Variants in CYP19A1 observed in about 807,000 individuals in gnomAD.
CYP19A1 encodes aromatase.
Under a neutral mutation model 44.4 loss-of-function variants are expected in CYP19A1, and 32 were observed. The ratio of observed to expected loss-of-function variants is 0.72; its 90% CI spans 0.54 to 0.97. CYP19A1 has a LOEUF of 0.97. Among genes scored for constraint, CYP19A1 ranks in the 50% least tolerant of loss-of-function variants. CYP19A1 has a pLI of 0.00. For synonymous variants in CYP19A1, 212 were observed against 215.6 expected (o/e 0.98, Z 0.14); for missense variants, 598 against 637.8 (o/e 0.94, Z 0.67).
At chr15:51,243,126 G>T (rs1318015508) in intron 1 of CYP19A1, 176 bp from the exon 2 acceptor site, 5 of 568,666 alleles carry the variant, frequency 8.8e-6, no homozygotes, top group South Asian at 5.7e-5. Context: ...GCCCAAGAAA[G>T]ATCTTTTGGC....
chr15:51,256,306 T>C (rs1207231880), intron 1 of CYP19A1, among the ~76,000 whole-genome samples: 1 of 152,224 alleles, frequency 6.6e-6, no homozygotes, highest in African/African-American at 2.4e-5. Flanking sequence ...ACAAGATTCC[T>C]TTTACAAAGA....
At chr15:51,211,446 G>A (rs146941753) in intron 9 of CYP19A1, among the ~76,000 whole-genome samples, 1 of 152,216 alleles carries the variant, frequency 6.6e-6, no homozygotes, top group Non-Finnish European at 1.5e-5. Flanking sequence ...AGGCAAGCAA[G>A]GATGTAGATT....
At chr15:51,259,542 G>A (rs2034638013) in intron 1 of CYP19A1, among the ~76,000 whole-genome samples, 1 of 152,150 alleles carries the variant, frequency 6.6e-6, no homozygotes, top group Non-Finnish European at 1.5e-5. Flanking sequence ...TGGATGAGGT[G>A]GCTAAGGAAG....
chr15:51,222,313 C>CAGAT, intron 5 of CYP19A1, 36 bp downstream of exon 5: 2 of 1,614,062 alleles, frequency 1.2e-6, no homozygotes, highest in Non-Finnish European at 1.7e-6. Context: ...CAGTAAAGGA[C>CAGAT]AGATGGTCAA....
chr15:51,317,189 C>T (rs139047911), intron 1 of CYP19A1, among the ~76,000 whole-genome samples: 7,044 of 151,916 alleles, frequency 0.046, 550 homozygotes, highest in African/African-American at 0.16. Flanking sequence ...GCAAGCTCTG[C>T]CTCCCAGGTT....
chr15:51,319,851 A>G (rs540829037), intron 1 of CYP19A1, among the ~76,000 whole-genome samples: 1 of 152,298 alleles, frequency 6.6e-6, no homozygotes, highest in South Asian at 2.1e-4. Flanking sequence ...GATCTCTATC[A>G]GGTCATTTGT....
intron 1 of CYP19A1, among the ~76,000 whole-genome samples, chr15:51,334,272 C>T (rs1199985699): frequency 1.3e-5 from 2 of 152,184 alleles, no homozygotes; most frequent in African/African-American, 2.4e-5. Context: ...CATGGGTGAA[C>T]GTTGATGAGG....
In CYP19A1 at chr15:51,315,149, T is replaced by C. The variant is rs527996817; in HGVS notation, c.-39+23346A>G. Among the ~76,000 whole-genome samples, 75 of 152,270 alleles carry C rather than the reference T, an allele frequency of 4.9e-4. No individual in the cohort carries two copies. In the South Asian group the frequency reaches 0.015, roughly 31 times the overall value. On this transcript the variant is annotated intron_variant, in intron 1 of 9. Coordinates refer to ENST00000396402, the MANE Select transcript of CYP19A1 (RefSeq NM_000103.4). ...CTCTCCAACAGGCCTTTCAAAGTCCTTCACTTACGGGCCCCTGCCTACCTT... is the reference window on the plus strand; with the variant it reads ...CTCTCCAACAGGCCTTTCAAAGTCCCTCACTTACGGGCCCCTGCCTACCTT...
In CYP19A1 at chr15:51,208,838, C is replaced by T. The variant is rs911889251; in HGVS notation, c.*1970G>A. 6.8e-6 allele frequency: 1 copy of T among 147,712 alleles called. No individual in the cohort carries two copies. The highest frequency in any genetic ancestry group is 7.1e-5 in the Admixed American group (1 of 14,146). The allele number at this position is 147,712 out of a possible 1,614,324, so 9.2% of individuals were successfully genotyped here. On this transcript the variant is annotated 3_prime_UTR_variant, in exon 10 of 10. Transcript: ENST00000396402. ...GATATCTATGTACAGCTATATCAAA[C>T]ATGCATTTCACTTTGACTGTGTAGA...
chr15:51,301,318 T>A (rs1486530948), intron 1 of CYP19A1, among the ~76,000 whole-genome samples: 1 of 152,236 alleles, frequency 6.6e-6, no homozygotes, highest in Non-Finnish European at 1.5e-5. Flanking sequence ...AAGGCAGACA[T>A]TGAGCATAAA....
rs770885853 is a variant in CYP19A1, at chr15:51,210,836, C to G, written c.1484G>C (p.Arg495Thr). Residue 495 changes from arginine (R) to threonine (T), a missense_variant, in exon 10 of 10, where the codon AGA becomes ACA. Coordinates refer to ENST00000396402, the MANE Select transcript of CYP19A1 (RefSeq NM_000103.4). ...GTGTTCCAGACACCTGTCTGAGTTT[C>G]TTGGGGTAAAGATCATTTCCAGCAT... ...KNMLEMIFTP[R>T]NSDRCLEH 1 of 1,598,840 alleles carries G rather than the reference C, an allele frequency of 6.3e-7. No individual in the cohort carries two copies. Among genetic ancestry groups the G allele is most frequent in the South Asian group, 1.1e-5 (1 of 90,798 alleles).
At chr15:51,326,448 A>C (rs977676496) in intron 1 of CYP19A1, among the ~76,000 whole-genome samples, 1 of 152,258 alleles carries the variant, frequency 6.6e-6, no homozygotes, top group African/African-American at 2.4e-5. Context: ...TTCTTGCTGT[A>C]GAATTTTCAA....
chr15:51,315,255 G>A lies in CYP19A1; in HGVS notation c.-39+23240C>T, dbSNP rs141319468. Among the ~76,000 whole-genome samples the A allele has an allele frequency of 2.8e-3, 431 of 152,170 alleles. 2 individuals are homozygous for A. The highest frequency in any genetic ancestry group is 9.5e-3 in the African/African-American group (396 of 41,524). ...CTGCAGTCCGGTCAGAAGGTTATGCGTGCTTCTGCACATTCTCTCCATGGG... is the reference window on the plus strand; with the variant it reads ...CTGCAGTCCGGTCAGAAGGTTATGCATGCTTCTGCACATTCTCTCCATGGG... On this transcript the variant is annotated intron_variant, in intron 1 of 9. Coordinates refer to ENST00000396402, the MANE Select transcript of CYP19A1 (RefSeq NM_000103.4).
Position 51,246,509 on chromosome 15 carries a change from G to T in CYP19A1, c.-38-3559C>A, listed in dbSNP as rs575844146. ...GAGCCTACTAACAACTTCATTCAACGCCCCACCAACCTCTGCGTAAGAAAA... is the reference window on the plus strand; with the variant it reads ...GAGCCTACTAACAACTTCATTCAACTCCCCACCAACCTCTGCGTAAGAAAA... On this transcript the variant is annotated intron_variant, in intron 1 of 9. Transcript: ENST00000396402. Among the ~76,000 whole-genome samples the T allele has an allele frequency of 2.6e-5, 4 of 152,246 alleles. No homozygotes were observed. In the East Asian group the frequency reaches 7.7e-4, roughly 29 times the overall value.
chr15:51,211,959 G>C (rs2031039945), intron 9 of CYP19A1, among the ~76,000 whole-genome samples: 1 of 152,136 alleles, frequency 6.6e-6, no homozygotes, highest in African/African-American at 2.4e-5. Context: ...TTGCTCAGAT[G>C]GTGCTATAGC....
intron 1 of CYP19A1, among the ~76,000 whole-genome samples, chr15:51,315,504 A>G (rs981074602): frequency 6.6e-6 from 1 of 152,226 alleles, no homozygotes; most frequent in African/African-American, 2.4e-5. Flanking sequence ...ACTACAAGCA[A>G]TTTTAGAGCA....
intron 1 of CYP19A1, among the ~76,000 whole-genome samples, chr15:51,289,083 C>A (rs2035782426): frequency 1.3e-5 from 2 of 152,118 alleles, no homozygotes; most frequent in Admixed American, 6.5e-5. Flanking sequence ...TAGTTACATT[C>A]TTTGTGGAAG....
At chr15:51,245,271 T>C (rs1595715368) in intron 1 of CYP19A1, among the ~76,000 whole-genome samples, 1 of 152,342 alleles carries the variant, frequency 6.6e-6, no homozygotes, top group East Asian at 1.9e-4. Flanking sequence ...CAAAAGTATG[T>C]CATAAAGATC....
chr15:51,335,272 C>T (rs2036759118), intron 1 of CYP19A1, among the ~76,000 whole-genome samples: 2 of 152,280 alleles, frequency 1.3e-5, no homozygotes, highest in Admixed American at 1.3e-4. Flanking sequence ...CCACGTCAAA[C>T]AATGAGTGGG....
Sources: gnomAD v4.1 joint callset for allele counts (sites outside exome capture counted in the v4.1 genomes callset) on GRCh38, gnomAD v4.1.1 for gene constraint, MANE v1.5 for transcripts, NCBI Gene and HGNC (gene_info 2026-07-23, HGNC 2026-07-21) for gene names.